Variants in EEFSEC observed in about 807,000 individuals in gnomAD.
EEFSEC encodes the protein eukaryotic elongation factor, selenocysteine-tRNA specific.
Under a neutral mutation model 42.1 loss-of-function variants are expected in EEFSEC, and 43 were observed. The observed-to-expected ratio is 1.02, with a 90% confidence interval of 0.80 to 1.32. The LOEUF is 1.32. EEFSEC is among the 40% of genes most tolerant of loss of function. EEFSEC has a pLI of 0.00. For missense variants in EEFSEC, 745 were observed against 803.6 expected, an observed-to-expected ratio of 0.93 and a Z score of 0.88; for synonymous variants, 354 against 339.1, an observed-to-expected ratio of 1.04 and a Z score of -0.48.
chr3:128,256,321 C>T (rs1226401886), intron 2 of EEFSEC, among the ~76,000 whole-genome samples: 1 of 152,072 alleles, frequency 6.6e-6, no homozygotes, highest in Non-Finnish European at 1.5e-5. Flanking sequence ...GATTTCTTGT[C>T]CCCTGAGATT....
At chr3:128,248,909 C>T (rs2066155498) in intron 2 of EEFSEC, among the ~76,000 whole-genome samples, 1 of 152,172 alleles carries the variant, frequency 6.6e-6, no homozygotes, top group African/African-American at 2.4e-5. Context: ...AGGAAATTGT[C>T]CATCTGAGGG....
chr3:128,272,014 AC>A (rs1406888508), intron 4 of EEFSEC, among the ~76,000 whole-genome samples: 1 of 152,094 alleles, frequency 6.6e-6, no homozygotes, highest in Non-Finnish European at 1.5e-5. Context: ...AAGGACAGAA[AC>A]CCAACTTCAA....
chr3:128,386,691 C>T (rs992860830), intron 6 of EEFSEC, among the ~76,000 whole-genome samples: 1 of 152,190 alleles, frequency 6.6e-6, no homozygotes, highest in East Asian at 1.9e-4. Context: ...CCTCAGGAAG[C>T]TTACAATCAT....
At chr3:128,183,821 G>A (rs1487697927) in intron 1 of EEFSEC, among the ~76,000 whole-genome samples, 7 of 152,200 alleles carry the variant, frequency 4.6e-5, no homozygotes, top group Non-Finnish European at 5.9e-5. Flanking sequence ...CTTGACATAA[G>A]TTGCTTTCCA....
intron 1 of EEFSEC, among the ~76,000 whole-genome samples, chr3:128,190,097 A>G (rs940071041): frequency 5.3e-5 from 8 of 152,130 alleles, no homozygotes; most frequent in Non-Finnish European, 1.2e-4. Context: ...TCCTGAGCTC[A>G]GGCAATGCAC....
rs2108029842 is a variant in EEFSEC, at chr3:128,316,938, T to A, written c.787-24295T>A. On this transcript the variant is annotated intron_variant, in intron 4 of 6. Coordinates refer to ENST00000254730, the MANE Select transcript of EEFSEC (RefSeq NM_021937.5). ...TCATCCTGTTAACTGGTTTAATATA[T>A]GGCACCACTATTTCATTAAACAACA... 2.6e-5 allele frequency among the ~76,000 whole-genome samples: 4 copies of A among 152,354 alleles called. No homozygotes were observed. The Middle Eastern group carries it at 0.014, about 518-fold the overall frequency.
chr3:128,326,293 G>A (rs962035294), intron 4 of EEFSEC, among the ~76,000 whole-genome samples: 2 of 152,224 alleles, frequency 1.3e-5, no homozygotes, highest in African/African-American at 4.8e-5. Flanking sequence ...CAGGCACTGC[G>A]TGAAGCTTGG....
At chr3:128,397,088 T>C (rs1035387747) in intron 6 of EEFSEC, among the ~76,000 whole-genome samples, 23 of 152,202 alleles carry the variant, frequency 1.5e-4, no homozygotes, top group African/African-American at 5.5e-4. Context: ...CCCACCTGGC[T>C]CAGCCCCACT....
intron 4 of EEFSEC, among the ~76,000 whole-genome samples, chr3:128,269,389 C>T (rs1222117684): frequency 1.3e-5 from 2 of 152,266 alleles, no homozygotes; most frequent in African/African-American, 4.8e-5. Context: ...GAGCCCATTG[C>T]AGCAGAGCCT....
rs780685267 is a variant in EEFSEC at position 128,264,664 on chromosome 3, G to T, written c.669G>T (p.Pro223=). 6.2e-7 allele frequency: 1 copy of T among 1,613,980 alleles called. No individual in the cohort carries two copies. The highest frequency in any genetic ancestry group is 1.1e-5 in the South Asian group (1 of 91,054). Residue 223 remains proline (P), a synonymous_variant, in exon 4 of 7, where the codon CCG becomes CCT. Coordinates refer to ENST00000254730, the MANE Select transcript of EEFSEC (RefSeq NM_021937.5). ...TCCCAACGAGAGATCCCTCGGGACC[G>T]TTCCTCATGTCTGTGGACCACTGTT... ...ISIPTRDPSG[P]FLMSVDHCFS...
chr3:128,242,180 A>T (rs908761793), intron 1 of EEFSEC, among the ~76,000 whole-genome samples: 8 of 152,076 alleles, frequency 5.3e-5, no homozygotes, highest in Non-Finnish European at 1.2e-4. Context: ...TAAGCTGGGT[A>T]TGGTGGCATG....
chr3:128,378,762 T>G (rs1293747455), intron 6 of EEFSEC, among the ~76,000 whole-genome samples: 1 of 152,200 alleles, frequency 6.6e-6, no homozygotes, highest in East Asian at 1.9e-4. Flanking sequence ...GACAGCTGAC[T>G]TCTCCAAGTT....
intron 6 of EEFSEC, among the ~76,000 whole-genome samples, chr3:128,387,468 G>A (rs988112598): frequency 1.3e-5 from 2 of 152,172 alleles, no homozygotes; most frequent in African/African-American, 4.8e-5. Flanking sequence ...AAAGATCTGG[G>A]AAGTCTGGGG....
intron 1 of EEFSEC, among the ~76,000 whole-genome samples, chr3:128,166,053 CA>C (rs2065239804): frequency 6.6e-6 from 1 of 152,140 alleles, no homozygotes; most frequent in South Asian, 2.1e-4. Flanking sequence ...AAAGATGATC[CA>C]GGGGACATTC....
rs1421090924 is a variant in EEFSEC at position 128,317,619 on chromosome 3, T to C, written c.787-23614T>C. On this transcript the variant is annotated intron_variant, in intron 4 of 6. Transcript: ENST00000254730. The surrounding 1 kb of genome is among the most constrained non-coding windows in gnomAD (Gnocchi z 4.1). The stretch of plus-strand genomic sequence containing the variant: ...TACTTCATCACTCCTCACCCCTGTG[T>C]GGCATCTCACGGTATTCATCTGCCG... Among the ~76,000 whole-genome samples, 1 of 152,234 alleles carries C rather than the reference T, an allele frequency of 6.6e-6. No individual in the cohort carries two copies. Among genetic ancestry groups the C allele is most frequent in the Non-Finnish European group, 1.5e-5 (1 of 68,042 alleles).
At chr3:128,264,461 G>T (rs532985531) in intron 3 of EEFSEC, among the ~76,000 whole-genome samples, 156 bp from the exon 4 acceptor site, 11 of 152,296 alleles carry the variant, frequency 7.2e-5, no homozygotes, top group Admixed American at 2.0e-4. Context: ...AGGTGGTTTT[G>T]ATCTCCTGTC....
chr3:128,179,347 AG>A (rs1337105202), intron 1 of EEFSEC, among the ~76,000 whole-genome samples: 1 of 152,228 alleles, frequency 6.6e-6, no homozygotes, highest in African/African-American at 2.4e-5. Flanking sequence ...CAGTTGCAAA[AG>A]AGAAAGGAAA....
At chr3:128,339,321 T>C (rs2067224728) in intron 4 of EEFSEC, among the ~76,000 whole-genome samples, 1 of 152,160 alleles carries the variant, frequency 6.6e-6, no homozygotes, top group African/African-American at 2.4e-5. Flanking sequence ...ACTCTCCCTT[T>C]ATCCAGGGAG....
At chr3:128,218,410 C>G (rs2065830971) in intron 1 of EEFSEC, among the ~76,000 whole-genome samples, 1 of 152,224 alleles carries the variant, frequency 6.6e-6, no homozygotes, top group South Asian at 2.1e-4. Context: ...CCAGCTGTAA[C>G]TTAAAACAAT....
Sources: allele counts gnomAD v4.1 joint callset (sites outside exome capture counted in the v4.1 genomes callset), GRCh38; gene constraint gnomAD v4.1.1; non-coding constraint Gnocchi (gnomAD v3.1); transcripts MANE v1.5; gene names NCBI Gene and HGNC (gene_info 2026-07-23, HGNC 2026-07-21).